Variants in CASP5 observed in about 807,000 individuals in gnomAD.
CASP5 encodes caspase-5.
In CASP5, 42 loss-of-function variants were observed where a neutral mutation model predicts 45.2. That is an observed-to-expected ratio of 0.93 (90% confidence interval 0.73 to 1.20). The LOEUF (loss-of-function observed/expected upper bound fraction) is 1.20. Ranked by LOEUF, CASP5 falls within the 50% of genes most tolerant of loss-of-function variation. The pLI is 0.00. For missense variants in CASP5, 512 were observed against 532.2 expected, an observed-to-expected ratio of 0.96 and a Z score of 0.37; for synonymous variants, 209 against 186.2, an observed-to-expected ratio of 1.12 and a Z score of -1.00.
rs1019707283 is a variant in CASP5, at chr11:104,995,791, C to T, written c.1258G>A (p.Glu420Lys). 9.3e-6 allele frequency: 15 copies of T among 1,612,586 alleles called. No individual in the cohort carries two copies. Among genetic ancestry groups the T allele is most frequent in the Non-Finnish European group, 1.1e-5 (13 of 1,179,020 alleles). The change falls in exon 9 of 10, where the codon GAA (glutamate) becomes AAA (lysine). Residue 420 changes from glutamate to lysine, a missense_variant. Physicochemically the swap from Glu to Lys is moderately conservative, Grantham distance 56. Transcript: ENST00000260315. ...PQAKAQMPTI[E>K]RATLTRDFYL... ...AAATCTCTTGTCAAGGTTGCTCGTTCTATGGTGGGCATCTGGGCTTTAGCC... is the reference window on the plus strand; with the variant it reads ...AAATCTCTTGTCAAGGTTGCTCGTTTTATGGTGGGCATCTGGGCTTTAGCC...
At chr11:105,021,465 A>C (rs893617822) in intron 1 of CASP5, among the ~76,000 whole-genome samples, 1 of 150,392 alleles carries the variant, frequency 6.6e-6, no homozygotes, top group East Asian at 1.9e-4. Flanking sequence ...ATTTACAAGA[A>C]AAAAACAAAC....
chr11:105,003,273 C>A lies in CASP5; in HGVS notation c.543+1G>T, dbSNP rs200071188. ...CCCATTTCATACAGAGAGCACAGCA[C>A]CTCATCATGATTTTTTTTACACAGT... On this transcript the variant is annotated splice_donor_variant, in intron 4 of 9. Coordinates refer to ENST00000260315, the MANE Select transcript of CASP5 (RefSeq NM_004347.5). LOFTEE classifies it high-confidence loss of function. The A allele has an allele frequency of 6.5e-7, 1 of 1,531,072 alleles. No homozygotes were observed. Among genetic ancestry groups the A allele is most frequent in the South Asian group, 1.1e-5 (1 of 88,612 alleles). 94.8% of individuals were successfully genotyped at this position (1,531,072 alleles called of 1,614,324 possible).
intron 4 of CASP5, 50 bp from the exon 5 acceptor site, chr11:105,002,251 A>C (rs747643554): frequency 5.4e-5 from 85 of 1,577,400 alleles, no homozygotes; most frequent in Non-Finnish European, 1.2e-5. Flanking sequence ...TCTCTTTTCA[A>C]CCCCCATATG....
At chr11:105,022,726 CAG>C (rs1184043158) in intron 1 of CASP5, among the ~76,000 whole-genome samples, 1 of 152,224 alleles carries the variant, frequency 6.6e-6, no homozygotes, top group Non-Finnish European at 1.5e-5. Context: ...GTTGAGAACA[CAG>C]AGGCTCTCAG....
chr11:105,007,056 T>C (rs1194089693), intron 3 of CASP5, 27 bp downstream of exon 3: 1 of 1,589,350 alleles, frequency 6.3e-7, no homozygotes, highest in African/African-American at 1.4e-5. Flanking sequence ...AAATTTAACA[T>C]ATTTATCGTG....
rs537023007 is a variant in CASP5, at chr11:105,017,747, G to T, written c.7+5383C>A. 1.7e-4 allele frequency among the ~76,000 whole-genome samples: 26 copies of T among 152,124 alleles called. 1 individual carries two copies. The highest frequency in any genetic ancestry group is 3.3e-4 in the Admixed American group (5 of 15,260). On this transcript the variant is annotated intron_variant, in intron 1 of 9. Transcript: ENST00000260315. The stretch of plus-strand genomic sequence containing the variant: ...AAAACACTCTGCAGGATATTATCCA[G>T]GAGAACTTCCCCAATATAGCAAGGC...
chr11:105,012,532 G>C (rs114715230), intron 1 of CASP5, among the ~76,000 whole-genome samples: 4,538 of 151,856 alleles, frequency 0.03, 196 homozygotes, highest in African/African-American at 0.1. Context: ...TGTCTGATAA[G>C]ATATTAATAT....
intron 1 of CASP5, among the ~76,000 whole-genome samples, chr11:105,014,527 C>G (rs905309155): frequency 9.2e-5 from 14 of 152,312 alleles, no homozygotes; most frequent in Non-Finnish European, 2.1e-4. Flanking sequence ...TAATTATCTA[C>G]TGAATCACTA....
chr11:105,019,225 C>G (rs1410339781), intron 1 of CASP5, among the ~76,000 whole-genome samples: 2 of 150,852 alleles, frequency 1.3e-5, no homozygotes, highest in Non-Finnish European at 3.0e-5. Flanking sequence ...AATTGACACC[C>G]TAACATCACA....
intron 3 of CASP5, 111 bp downstream of exon 3, chr11:105,006,972 G>C: frequency 1.1e-6 from 1 of 932,728 alleles, no homozygotes; most frequent in Non-Finnish European, 1.6e-6. Flanking sequence ...TACTGAAAAT[G>C]AGAGTTTAGA....
At position 105,006,971 on chromosome 11, in the gene CASP5, T is replaced by C; in HGVS notation, c.433+112A>G. The C allele has an allele frequency of 4.3e-6, 4 of 933,362 alleles. No individual in the cohort carries two copies. The Admixed American group carries it at 7.1e-5, about 17-fold the overall frequency. 57.8% of individuals were successfully genotyped at this position (933,362 alleles called of 1,614,324 possible). A position where few individuals can be genotyped will look rare whatever the true frequency, so the allele number is the denominator to read the frequency against. On this transcript the variant is annotated intron_variant, in intron 3 of 9. Coordinates refer to ENST00000260315, the MANE Select transcript of CASP5 (RefSeq NM_004347.5). ...AGGATGATGACATGTTTACTGAAAA[T>C]GAGAGTTTAGAAATGAAACTGTAGG...
At chr11:104,999,880 A>C (rs964802067) in intron 6 of CASP5, among the ~76,000 whole-genome samples, 9 of 152,350 alleles carry the variant, frequency 5.9e-5, no homozygotes, top group Non-Finnish European at 1.2e-4. Context: ...TGTATCACAT[A>C]ATAACTTCAG....
At position 105,003,381 on chromosome 11, in the gene CASP5, G is replaced by A. The variant is rs762174072; in HGVS notation, c.436C>T (p.Leu146Phe). 2 of 1,554,440 alleles carry A rather than the reference G, an allele frequency of 1.3e-6. No individual in the cohort carries two copies. The highest frequency in any genetic ancestry group is 1.8e-6 in the Non-Finnish European group (2 of 1,139,074). Reference protein sequence around the residue: ...MDQKITSVKPLLQIEAGPPES... With the variant: ...MDQKITSVKPFLQIEAGPPES... ...GGTGGTCCAGCCTCGATTTGCAGAA[G>A]AGCTGTGGGATATCACAAAATATAA... is the stretch of plus-strand genomic sequence containing the variant. The change falls in exon 4 of 10, where the codon CTT becomes TTT. Residue 146 changes from leucine (L) to phenylalanine (F), a missense_variant and splice_region_variant. Leu to Phe is a conservative substitution (Grantham distance 22). Coordinates refer to ENST00000260315, the MANE Select transcript of CASP5 (RefSeq NM_004347.5).
chr11:105,003,665 A>G (rs1170067570), intron 3 of CASP5, among the ~76,000 whole-genome samples: 1 of 151,876 alleles, frequency 6.6e-6, no homozygotes, highest in African/African-American at 2.4e-5. Flanking sequence ...TGGCTTTTCT[A>G]TATTCAGAAA....
At chr11:104,999,755 G>T (rs759393808) in intron 6 of CASP5, among the ~76,000 whole-genome samples, 1 of 152,096 alleles carries the variant, frequency 6.6e-6, no homozygotes, top group Non-Finnish European at 1.5e-5. Context: ...ATAGTCATGA[G>T]GTAATTGGAA....
intron 1 of CASP5, among the ~76,000 whole-genome samples, chr11:105,010,721 G>C (rs926963283): frequency 6.6e-6 from 1 of 151,486 alleles, no homozygotes; most frequent in Non-Finnish European, 1.5e-5. Flanking sequence ...ATTCCATAGA[G>C]TTAACCATGA....
chr11:105,021,510 G>T (rs1017222002), intron 1 of CASP5, among the ~76,000 whole-genome samples: 2 of 150,724 alleles, frequency 1.3e-5, no homozygotes, highest in Non-Finnish European at 3.0e-5. Context: ...GACATGAACA[G>T]ACACTTCTCA....
rs200552536 is a variant in CASP5 at position 104,995,902 on chromosome 11, C to T, written c.1207-60G>A. On this transcript the variant is annotated intron_variant, in intron 8 of 9. Coordinates refer to ENST00000260315, the MANE Select transcript of CASP5 (RefSeq NM_004347.5). Reference sequence around the variant, plus strand: ...TTTTGGGTTCTCAGAATGCATCTTACACCATGAACCAGGAAATGCCTGAAT... The same window carrying T: ...TTTTGGGTTCTCAGAATGCATCTTATACCATGAACCAGGAAATGCCTGAAT... 189 of 1,041,032 alleles carry T rather than the reference C, an allele frequency of 1.8e-4. 1 individual carries two copies. The East Asian group carries it at 3.8e-3, about 21-fold the overall frequency. 64.5% of individuals were successfully genotyped at this position (1,041,032 alleles called of 1,614,324 possible).
At chr11:105,009,928 TACAC>T (rs111284189) in intron 1 of CASP5, among the ~76,000 whole-genome samples, 42 of 138,454 alleles carry the variant, frequency 3.0e-4, no homozygotes, top group East Asian at 1.6e-3. Context: ...TATACACACA[TACAC>T]ACACACACAC....
Sources: allele counts gnomAD v4.1 joint callset (sites outside exome capture counted in the v4.1 genomes callset), GRCh38; gene constraint gnomAD v4.1.1; transcripts MANE v1.5; gene names NCBI Gene and HGNC (gene_info 2026-07-23, HGNC 2026-07-21).